The following ZZZ3 variants were observed in gnomAD, a reference collection of about 807,000 sequenced individuals.
ZZZ3 encodes the protein zinc finger ZZ-type containing 3, also known as ZZ-type zinc finger-containing protein 3.
A neutral mutation model predicts 95.2 loss-of-function variants in ZZZ3; 22 were observed. The observed-to-expected ratio is 0.23, with a 90% CI of 0.17 to 0.33. The LOEUF is 0.33. Ranked by LOEUF, ZZZ3 falls within the 10% of genes least tolerant of loss-of-function variation. ZZZ3 has a pLI of 1.00. For missense variants in ZZZ3, 885 were observed against 1,066.5 expected, an observed-to-expected ratio of 0.83 and a Z score of 2.37; for synonymous variants, 335 against 358.9, an observed-to-expected ratio of 0.93 and a Z score of 0.75.
chr1:77,657,302 T>C (rs75228358), intron 1 of ZZZ3, among the ~76,000 whole-genome samples: 1,779 of 152,270 alleles, frequency 0.012, 29 homozygotes, highest in African/African-American at 0.038. Flanking sequence ...TTTATATTGC[T>C]GATTCATAAA....
intron 1 of ZZZ3, among the ~76,000 whole-genome samples, chr1:77,644,243 T>A (rs1459440018): frequency 6.6e-6 from 1 of 152,004 alleles, no homozygotes; most frequent in Non-Finnish European, 1.5e-5. Context: ...TTTTTGTACT[T>A]TTAGTAGAGA....
intron 5 of ZZZ3, among the ~76,000 whole-genome samples, chr1:77,585,869 C>A (rs1663034071): frequency 6.6e-6 from 1 of 152,208 alleles, no homozygotes; most frequent in African/African-American, 2.4e-5. Flanking sequence ...CTTTTCACAG[C>A]CTCCTCTCTA....
chr1:77,583,852 C>A (rs1323400253), intron 6 of ZZZ3, among the ~76,000 whole-genome samples: 4 of 152,098 alleles, frequency 2.6e-5, no homozygotes, highest in Non-Finnish European at 5.9e-5. Context: ...CACAAATGCA[C>A]ATCAAGATCA....
At chr1:77,627,412 T>C (rs964098121) in intron 5 of ZZZ3, among the ~76,000 whole-genome samples, 1 of 151,686 alleles carries the variant, frequency 6.6e-6, no homozygotes, top group Non-Finnish European at 1.5e-5. Flanking sequence ...GATCCTGGAG[T>C]TTTTCTGGCC....
At chr1:77,641,806 T>C (rs890222238) in intron 1 of ZZZ3, among the ~76,000 whole-genome samples, 151 bp from the exon 2 acceptor site, 8 of 152,230 alleles carry the variant, frequency 5.3e-5, no homozygotes, top group South Asian at 2.1e-4. Context: ...CTGTGAAATA[T>C]GTGTCTTCAA....
intron 1 of ZZZ3, among the ~76,000 whole-genome samples, chr1:77,663,338 G>GA (rs906211614): frequency 4.6e-5 from 7 of 151,186 alleles, no homozygotes; most frequent in South Asian, 4.2e-4. Context: ...TTAGTTCTCA[G>GA]AAAAAAAAAG....
At chr1:77,566,240 T>C in intron 13 of ZZZ3, 59 bp from the exon 14 acceptor site, 5 of 1,269,436 alleles carry the variant, frequency 3.9e-6, no homozygotes, top group Non-Finnish European at 5.6e-6. Flanking sequence ...TCTTTTTTAT[T>C]TTCCACAAGG....
intron 5 of ZZZ3, among the ~76,000 whole-genome samples, chr1:77,614,567 A>T (rs376160809): frequency 1.3e-5 from 2 of 152,224 alleles, no homozygotes; most frequent in African/African-American, 4.8e-5. Context: ...TTATATTACA[A>T]GACAAACTCA....
intron 5 of ZZZ3, among the ~76,000 whole-genome samples, chr1:77,601,484 AAG>A (rs1664723977): frequency 1.3e-5 from 2 of 152,190 alleles, no homozygotes; most frequent in African/African-American, 4.8e-5. Flanking sequence ...GGATATAAAA[AAG>A]AGGATTTTTT....
At chr1:77,602,853 C>T (rs1460087737) in intron 5 of ZZZ3, among the ~76,000 whole-genome samples, 2 of 151,932 alleles carry the variant, frequency 1.3e-5, no homozygotes, top group East Asian at 1.9e-4. Flanking sequence ...ATCTGCCCAC[C>T]TCGGCCTCCC....
At chr1:77,649,533 G>A (rs1218019869) in intron 1 of ZZZ3, among the ~76,000 whole-genome samples, 1 of 152,110 alleles carries the variant, frequency 6.6e-6, no homozygotes, top group African/African-American at 2.4e-5. Context: ...TGGAAGTCTA[G>A]ATATATCCAA....
At chr1:77,596,703 G>A (rs1008111726) in intron 5 of ZZZ3, among the ~76,000 whole-genome samples, 2 of 152,034 alleles carry the variant, frequency 1.3e-5, no homozygotes, top group Non-Finnish European at 2.9e-5. Flanking sequence ...GTTGATAAGA[G>A]TTTTTCACAA....
chr1:77,666,548 A>C (rs1448328461), intron 1 of ZZZ3, among the ~76,000 whole-genome samples: 2 of 152,140 alleles, frequency 1.3e-5, no homozygotes, highest in Non-Finnish European at 2.9e-5. Flanking sequence ...GAATAATAAT[A>C]ATATAAATAC....
At chr1:77,640,116 C>A (rs999424476) in intron 3 of ZZZ3, among the ~76,000 whole-genome samples, 41 of 152,172 alleles carry the variant, frequency 2.7e-4, no homozygotes, top group Middle Eastern at 3.4e-3. Flanking sequence ...TCAAGTGCTA[C>A]AAAATTCAAT....
chr1:77,622,435 G>A (rs1313728169), intron 5 of ZZZ3, among the ~76,000 whole-genome samples: 1 of 141,346 alleles, frequency 7.1e-6, no homozygotes, highest in African/African-American at 2.6e-5. Context: ...TAAAGTACAA[G>A]GAAAAATAGA....
intron 5 of ZZZ3, among the ~76,000 whole-genome samples, chr1:77,613,556 T>C (rs917543603): frequency 3.3e-5 from 5 of 152,012 alleles, no homozygotes; most frequent in African/African-American, 1.2e-4. Context: ...AGGTAGAGAC[T>C]GAGGAACCAA....
At chr1:77,628,932 A>G (rs954495352) in intron 5 of ZZZ3, among the ~76,000 whole-genome samples, 3 of 152,356 alleles carry the variant, frequency 2.0e-5, no homozygotes, top group South Asian at 4.1e-4. Context: ...GAGAAGTAAC[A>G]TTTGACAAGG....
chr1:77,655,440 A>C (rs1400469396), intron 1 of ZZZ3, among the ~76,000 whole-genome samples: 1 of 152,220 alleles, frequency 6.6e-6, no homozygotes, highest in Non-Finnish European at 1.5e-5. Flanking sequence ...CCCTTCAGCC[A>C]TGTGAAGACA....
At chr1:77,612,856 A>G (rs1665946576) in intron 5 of ZZZ3, among the ~76,000 whole-genome samples, 1 of 152,054 alleles carries the variant, frequency 6.6e-6, no homozygotes, top group African/African-American at 2.4e-5. Flanking sequence ...TAGGATGATC[A>G]AGTTTAGAGA....
Sources: gnomAD v4.1 joint callset for allele counts (sites outside exome capture counted in the v4.1 genomes callset) on GRCh38, gnomAD v4.1.1 for gene constraint, MANE v1.5 for transcripts, NCBI Gene and HGNC (gene_info 2026-07-23, HGNC 2026-07-21) for gene names.